The following NCKAP5 variants were observed in gnomAD, a reference collection of about 807,000 sequenced individuals.
NCKAP5 encodes nck-associated protein 5.
In NCKAP5, 92 loss-of-function variants were observed where a neutral mutation model predicts 167.0. That is an observed-to-expected ratio of 0.55 (90% CI 0.47 to 0.66). The LOEUF (loss-of-function observed/expected upper bound fraction) is 0.66. Ranked by LOEUF, NCKAP5 falls within the 30% of genes least tolerant of loss-of-function variation. NCKAP5 has a pLI of 0.00. For missense variants in NCKAP5, 2,378 were observed against 2,315.0 expected (o/e 1.03, Z -0.56); for synonymous variants, 891 against 877.4 (o/e 1.02, Z -0.27).
At chr2:133,632,632 C>G in the NCKAP5 span, among the ~76,000 whole-genome samples, 1 of 152,212 alleles carries the variant, frequency 6.6e-6, no homozygotes, top group Non-Finnish European at 1.5e-5. Context: ...CCTCCTGGTG[C>G]TGCTGTCTCA....
intron 3 of NCKAP5, among the ~76,000 whole-genome samples, chr2:133,417,812 T>A (rs1361916331): frequency 6.6e-6 from 1 of 152,196 alleles, no homozygotes; most frequent in Non-Finnish European, 1.5e-5. Flanking sequence ...GAAAAAGCTA[T>A]TATGTCGTGA....
chr2:133,558,208 A>T (rs949648414), intron 2 of NCKAP5: 13 of 152,172 alleles, frequency 8.5e-5, no homozygotes, highest in African/African-American at 3.1e-4. Flanking sequence ...GCATTATAAT[A>T]AAGTCCTAGG....
At chr2:133,249,779 G>A (rs1385124512) in intron 4 of NCKAP5, among the ~76,000 whole-genome samples, 1 of 152,098 alleles carries the variant, frequency 6.6e-6, no homozygotes. Flanking sequence ...TACAAAGGAA[G>A]CACATACGCC....
At chr2:132,747,056 C>T (rs1679707404) in intron 16 of NCKAP5, among the ~76,000 whole-genome samples, 1 of 151,160 alleles carries the variant, frequency 6.6e-6, no homozygotes. Context: ...AGTGGTTATA[C>T]AACTGTATAC....
intron 11 of NCKAP5, among the ~76,000 whole-genome samples, chr2:132,820,221 T>A (rs1686603547): frequency 6.7e-6 from 1 of 149,476 alleles, no homozygotes; most frequent in African/African-American, 2.4e-5. Context: ...AGTTTTTTGT[T>A]TTGTTTTGTT....
intron 3 of NCKAP5, among the ~76,000 whole-genome samples, chr2:133,331,497 C>T (rs1157909340): frequency 6.6e-6 from 1 of 152,222 alleles, no homozygotes; most frequent in Non-Finnish European, 1.5e-5. Flanking sequence ...TGTCCCTCTC[C>T]CGTTGTTCCC....
intron 19 of NCKAP5, among the ~76,000 whole-genome samples, chr2:132,687,998 C>G (rs953124325): frequency 2.0e-5 from 3 of 152,164 alleles, no homozygotes; most frequent in African/African-American, 7.2e-5. Context: ...GAATGGCAAT[C>G]AGGGTTTTGC....
At chr2:133,102,314 TTTTTTTGTA>T (rs1367541352) in intron 6 of NCKAP5, among the ~76,000 whole-genome samples, 1 of 151,914 alleles carries the variant, frequency 6.6e-6, no homozygotes, top group African/African-American at 2.4e-5. Flanking sequence ...GCCTGGCTAA[TTTTTTTGTA>T]TTTTTAGTAG....
chr2:133,196,473 C>T (rs2085442933), intron 5 of NCKAP5, among the ~76,000 whole-genome samples: 1 of 152,138 alleles, frequency 6.6e-6, no homozygotes. Flanking sequence ...ACTGCTACAG[C>T]CTCTAATGCA....
chr2:132,727,668 C>A (rs1401780727), intron 18 of NCKAP5, among the ~76,000 whole-genome samples: 1 of 152,188 alleles, frequency 6.6e-6, no homozygotes, highest in Admixed American at 6.5e-5. Flanking sequence ...GCCTCTCAGA[C>A]CCACGTCTTG....
At chr2:133,565,508 C>T (rs900221054) in intron 1 of NCKAP5, among the ~76,000 whole-genome samples, 2 of 152,178 alleles carry the variant, frequency 1.3e-5, no homozygotes, top group African/African-American at 4.8e-5. Flanking sequence ...ATCATAAAGC[C>T]GGCAAGTGGC....
At chr2:133,291,507 T>C (rs909220540) in intron 4 of NCKAP5, among the ~76,000 whole-genome samples, 7 of 152,182 alleles carry the variant, frequency 4.6e-5, no homozygotes, top group African/African-American at 1.7e-4. Flanking sequence ...ATTGGTAAAA[T>C]GTGATTCATG....
chr2:132,814,805 G>A (rs1049019168), intron 11 of NCKAP5, among the ~76,000 whole-genome samples: 3 of 152,164 alleles, frequency 2.0e-5, no homozygotes, highest in Non-Finnish European at 4.4e-5. Context: ...AGTTACAAGT[G>A]CATCAGAAAT....
intron 4 of NCKAP5, among the ~76,000 whole-genome samples, chr2:133,295,427 A>G (rs1165908060): frequency 6.6e-6 from 1 of 152,214 alleles, no homozygotes; most frequent in Non-Finnish European, 1.5e-5. Flanking sequence ...TTCTACAATT[A>G]AAACAAAATG....
chr2:133,070,540 T>C (rs1196795813), intron 6 of NCKAP5, among the ~76,000 whole-genome samples: 2 of 152,148 alleles, frequency 1.3e-5, no homozygotes, highest in African/African-American at 4.8e-5. Context: ...GTCAAGTCTC[T>C]TACCAGAATC....
chr2:133,379,271 G>A (rs1480752985), intron 3 of NCKAP5, among the ~76,000 whole-genome samples: 3 of 152,134 alleles, frequency 2.0e-5, no homozygotes, highest in African/African-American at 7.2e-5. Context: ...ATCCCGACGT[G>A]CATACCTCGT....
the NCKAP5 span, among the ~76,000 whole-genome samples, chr2:133,659,481 G>T: frequency 1.3e-5 from 2 of 152,030 alleles, no homozygotes; most frequent in African/African-American, 4.8e-5. Context: ...AGCAACAAAA[G>T]AAAAAGTTAG....
chr2:133,632,353 T>C, the NCKAP5 span, among the ~76,000 whole-genome samples: 19 of 152,214 alleles, frequency 1.2e-4, no homozygotes, highest in Non-Finnish European at 2.6e-4. Context: ...TTCGGCAAAT[T>C]AGAAAAGAAA....
intron 7 of NCKAP5, among the ~76,000 whole-genome samples, chr2:132,989,624 G>A (rs565925373): frequency 2.6e-5 from 4 of 152,218 alleles, no homozygotes; most frequent in African/African-American, 7.2e-5. Context: ...ACATTTTATA[G>A]CTTGTTAATA....
Sources: gnomAD v4.1 joint callset for allele counts (sites outside exome capture counted in the v4.1 genomes callset) on GRCh38, gnomAD v4.1.1 for gene constraint, MANE v1.5 for transcripts, NCBI Gene and HGNC (gene_info 2026-07-23, HGNC 2026-07-21) for gene names.